CUL4A: variants seen among roughly 807,000 people sequenced by gnomAD.
The protein encoded by CUL4A is cullin 4A, also known as cullin-4A.
CUL4A carries 16 observed loss-of-function variants against 95.5 expected under a neutral mutation model. The observed-to-expected ratio is 0.17, with a 90% confidence interval of 0.11 to 0.25. CUL4A has a LOEUF of 0.25. CUL4A is among the 10% of genes least tolerant of loss of function. The probability of loss-of-function intolerance (pLI) is 1.00; values close to 1 mark genes in which losing one functional copy is unlikely to be tolerated. For synonymous variants in CUL4A, 380 were observed against 353.1 expected (o/e 1.08, Z -0.85); for missense variants, 610 against 937.0 (o/e 0.65, Z 4.56).
At chr13:113,212,261 T>C (rs2040477704) in intron 2 of CUL4A, among the ~76,000 whole-genome samples, 1 of 152,230 alleles carries the variant, frequency 6.6e-6, no homozygotes, top group African/African-American at 2.4e-5. Flanking sequence ...ACTTGTCTTT[T>C]GATTCTCTTA....
rs532289250 is a variant in CUL4A, at chr13:113,266,858, T to TA, written c.*3277dup. 1.4e-4 allele frequency: 21 copies of TA among 152,346 alleles called. No homozygotes were observed. The highest frequency in any genetic ancestry group is 5.9e-4 in the Admixed American group (9 of 15,300). The allele number at this position is 152,346 out of a possible 1,614,324, so 9.4% of individuals were successfully genotyped here. A position where few individuals can be genotyped will look rare whatever the true frequency, so the allele number is the denominator to read the frequency against. On this transcript the variant is annotated 3_prime_UTR_variant, in exon 20 of 20. Coordinates refer to ENST00000375440, the MANE Select transcript of CUL4A (RefSeq NM_001008895.4). Reference sequence around the variant, plus strand: ...TATATATGAAACCATAATCATAAGATACTTTTTTTGTAAATTGACTATTAT... The same window carrying TA: ...TATATATGAAACCATAATCATAAGATAACTTTTTTTGTAAATTGACTATTAT...
At chr13:113,235,492 T>C (rs1190014825) in intron 8 of CUL4A, among the ~76,000 whole-genome samples, 2 of 152,244 alleles carry the variant, frequency 1.3e-5, no homozygotes, top group East Asian at 3.8e-4. Flanking sequence ...TAATTTTATT[T>C]ATGGTGCTGT....
At chr13:113,247,140 C>T (rs950407522) in intron 15 of CUL4A, among the ~76,000 whole-genome samples, 46 of 152,178 alleles carry the variant, frequency 3.0e-4, no homozygotes, top group African/African-American at 1.0e-3. Flanking sequence ...AATCAGATCT[C>T]GTGGTAACTC....
chr13:113,234,023 G>A (rs117561258), intron 7 of CUL4A, 37 bp downstream of exon 7: 27 of 1,356,344 alleles, frequency 2.0e-5, no homozygotes, highest in Admixed American at 3.6e-5. Context: ...CCCTGGCTTC[G>A]TTTCTGCAGA....
chr13:113,210,320 A>G (rs762693890), intron 2 of CUL4A, among the ~76,000 whole-genome samples: 2 of 152,222 alleles, frequency 1.3e-5, no homozygotes, highest in Admixed American at 1.3e-4. Context: ...AAGTTATCCC[A>G]TTACGGAAGA....
rs1408508613 is a variant in CUL4A, at chr13:113,266,885, GTATAAATT to G, written c.*3308_*3315del. The G allele has an allele frequency of 2.0e-5, 3 of 152,046 alleles. No individual in the cohort carries two copies. The South Asian group carries it at 6.2e-4, about 31-fold the overall frequency. The allele number at this position is 152,046 out of a possible 1,614,324, so 9.4% of individuals were successfully genotyped here. On this transcript the variant is annotated 3_prime_UTR_variant, in exon 20 of 20. Coordinates refer to ENST00000375440, the MANE Select transcript of CUL4A (RefSeq NM_001008895.4). ...CTTTTTTTGTAAATTGACTATTATT[GTATAAATT>G]TATAGAGTATAAAGTGATCTTATAA... is the stretch of plus-strand genomic sequence containing the variant.
intron 2 of CUL4A, among the ~76,000 whole-genome samples, chr13:113,213,104 G>C (rs1301243399): frequency 6.6e-6 from 1 of 152,026 alleles, no homozygotes; most frequent in Non-Finnish European, 1.5e-5. Context: ...ACAGTATTGA[G>C]AGTCTGGGCT....
Position 113,265,720 on chromosome 13 carries a change from CTATT to C in CUL4A, c.*2142_*2145del, listed in dbSNP as rs369641291. On this transcript the variant is annotated 3_prime_UTR_variant, in exon 20 of 20. Coordinates refer to ENST00000375440, the MANE Select transcript of CUL4A (RefSeq NM_001008895.4). Reference sequence around the variant, plus strand: ...TCTGTTTTATAAAAGAAAGGAAAATCTATTTATATCTATTCTCTTATTTAGCAAT... The same window carrying C: ...TCTGTTTTATAAAAGAAAGGAAAATCTATATCTATTCTCTTATTTAGCAAT... 3 of 152,306 alleles carry C rather than the reference CTATT, an allele frequency of 2.0e-5. No individual in the cohort carries two copies. The highest frequency in any genetic ancestry group is 3.9e-4 in the East Asian group (2 of 5,180). The allele number at this position is 152,306 out of a possible 1,614,324, so 9.4% of individuals were successfully genotyped here.
chr13:113,245,295 C>A, intron 14 of CUL4A, 58 bp downstream of exon 14: 1 of 1,460,630 alleles, frequency 6.8e-7, no homozygotes, highest in Non-Finnish European at 9.6e-7. Flanking sequence ...AGTGTGGTGG[C>A]TCATGCCTGT....
chr13:113,229,157 T>C (rs2041218911), intron 4 of CUL4A, among the ~76,000 whole-genome samples: 1 of 151,802 alleles, frequency 6.6e-6, no homozygotes, highest in African/African-American at 2.4e-5. Flanking sequence ...TTAAAAGATA[T>C]CCTTTAGGCC....
intron 3 of CUL4A, among the ~76,000 whole-genome samples, chr13:113,220,612 T>TA (rs2040861465): frequency 6.6e-6 from 1 of 152,200 alleles, no homozygotes; most frequent in Non-Finnish European, 1.5e-5. Context: ...CTTAGGCGTT[T>TA]ATGAGAGTCA....
chr13:113,236,400 T>C (rs1595391597), intron 8 of CUL4A, among the ~76,000 whole-genome samples: 1 of 152,084 alleles, frequency 6.6e-6, no homozygotes, highest in African/African-American at 2.4e-5. Flanking sequence ...ACAACCAGGG[T>C]GTGCAGGTCA....
intron 7 of CUL4A, 69 bp downstream of exon 7, chr13:113,234,055 C>T (rs893516481): frequency 4.5e-6 from 4 of 889,022 alleles, no homozygotes; most frequent in Non-Finnish European, 7.2e-6. Context: ...GAGGACTTTC[C>T]TCATGTTTGC....
At chr13:113,258,842 G>A (rs1008227351) in intron 18 of CUL4A, among the ~76,000 whole-genome samples, 3 of 152,176 alleles carry the variant, frequency 2.0e-5, no homozygotes, top group Admixed American at 1.3e-4. Flanking sequence ...GAAGGCCTCT[G>A]GCTGCAGCAT....
At position 113,263,891 on chromosome 13, in the gene CUL4A, T is replaced by C. The variant is rs2042352246; in HGVS notation, c.*309T>C. 1 of 221,162 alleles carries C rather than the reference T, an allele frequency of 4.5e-6. No individual in the cohort carries two copies. The allele number at this position is 221,162 out of a possible 1,614,324, so 13.7% of individuals were successfully genotyped here. ...AAGTTCCTTTAAAAGGTCTTGTTCT[T>C]GTGTCAAAAAGCTGCAAGTTTGGTT... On this transcript the variant is annotated 3_prime_UTR_variant, in exon 20 of 20. Coordinates refer to ENST00000375440, the MANE Select transcript of CUL4A (RefSeq NM_001008895.4).
intron 15 of CUL4A, among the ~76,000 whole-genome samples, chr13:113,249,806 C>G (rs1285989684): frequency 2.0e-5 from 3 of 152,194 alleles, no homozygotes; most frequent in African/African-American, 7.2e-5. Context: ...ATGAGCTGGT[C>G]TCTCATCTTG....
chr13:113,221,514 C>G (rs1417927502), intron 3 of CUL4A, among the ~76,000 whole-genome samples: 3 of 152,178 alleles, frequency 2.0e-5, no homozygotes, highest in African/African-American at 7.2e-5. Context: ...GTGGCAAAAG[C>G]ATCAGGATAA....
Position 113,209,632 on chromosome 13 carries a change from C to A in CUL4A, c.5C>A (p.Ala2Glu). 1 of 1,079,588 alleles carries A rather than the reference C, an allele frequency of 9.3e-7. No homozygotes were observed. The highest frequency in any genetic ancestry group is 5.8e-5 in the East Asian group (1 of 17,294). 66.9% of individuals were successfully genotyped at this position (1,079,588 alleles called of 1,614,324 possible). Reference sequence around the variant, plus strand: ...CGCGGCGGTTCCGGCCCAGCCATGGCGGACGAGGCCCCGCGGAAGGGCAGC... The same window carrying A: ...CGCGGCGGTTCCGGCCCAGCCATGGAGGACGAGGCCCCGCGGAAGGGCAGC... M[A>E]DEAPRKGSFS... Residue 2 changes from alanine to glutamate, a missense_variant, in exon 1 of 20, where the codon GCG (alanine) becomes GAG (glutamate). Ala to Glu is a moderately radical substitution (Grantham distance 107). This residue lies in a region of CUL4A where 168 missense variants were observed against 185.5 expected (regional missense o/e 0.91). Transcript: ENST00000375440.
At chr13:113,256,927 T>TTG (rs2042141050) in intron 18 of CUL4A, among the ~76,000 whole-genome samples, 1 of 61,108 alleles carries the variant, frequency 1.6e-5, no homozygotes, top group African/African-American at 7.1e-5. Flanking sequence ...TTTTTTTTCG[T>TTG]TTTTTTTTTT....
Sources: allele counts gnomAD v4.1 joint callset (sites outside exome capture counted in the v4.1 genomes callset), GRCh38; gene constraint gnomAD v4.1.1; regional missense constraint gnomAD v4.1.1; transcripts MANE v1.5; gene names NCBI Gene and HGNC (gene_info 2026-07-23, HGNC 2026-07-21).